Variants in ZNF286A observed in about 807,000 individuals in gnomAD.
ZNF286A encodes the protein zinc finger protein ZNF286.
In ZNF286A, 34 loss-of-function variants were observed where a neutral mutation model predicts 49.3. The observed-to-expected ratio is 0.69, with a 90% CI of 0.52 to 0.92. ZNF286A has a LOEUF of 0.92. ZNF286A is among the 40% of genes least tolerant of loss of function. The pLI is 0.00. For synonymous variants in ZNF286A, 155 were observed against 200.4 expected (o/e 0.77, Z 1.91); for missense variants, 462 against 600.2 (o/e 0.77, Z 2.41).
At chr17:15,699,898 A>G (rs572655111) in intron 1 of ZNF286A, 121 bp downstream of exon 1, 3 of 694,028 alleles carry the variant, frequency 4.3e-6, no homozygotes, top group African/African-American at 1.7e-5. Flanking sequence ...AGGGCAGACC[A>G]TGAGCCCTGT....
chr17:15,720,195 T>C lies in ZNF286A; in HGVS notation c.*2905T>C, dbSNP rs1290336355. The C allele has an allele frequency of 6.6e-6, 1 of 152,204 alleles. No individual in the cohort carries two copies. The highest frequency in any genetic ancestry group is 2.4e-5 in the African/African-American group (1 of 41,530). 9.4% of individuals were successfully genotyped at this position (152,204 alleles called of 1,614,324 possible). A position where few individuals can be genotyped will look rare whatever the true frequency, so the allele number is the denominator to read the frequency against. On this transcript the variant is annotated 3_prime_UTR_variant, in exon 6 of 6. Transcript: ENST00000583566. ...TCATTGGCTTCTCATGAGGTTGTCA[T>C]AAGGATTAAATAAGACAATGCATAT...
At chr17:15,705,955 T>C (rs1449820439) in intron 3 of ZNF286A, among the ~76,000 whole-genome samples, 1 of 152,242 alleles carries the variant, frequency 6.6e-6, no homozygotes, top group African/African-American at 2.4e-5. Context: ...TTACAAGTTC[T>C]GTATTGCAGT....
chr17:15,704,559 C>G, intron 3 of ZNF286A: 1 of 1,614,120 alleles, frequency 6.2e-7, no homozygotes, highest in South Asian at 1.1e-5. Flanking sequence ...ACCTGATGGT[C>G]AGCAGTACGT....
chr17:15,719,003 G>A lies in ZNF286A; in HGVS notation c.*1713G>A, dbSNP rs1967232025. 1 of 124,154 alleles carries A rather than the reference G, an allele frequency of 8.1e-6. No homozygotes were observed. Among genetic ancestry groups the A allele is most frequent in the South Asian group, 3.1e-4 (1 of 3,270 alleles). 7.7% of individuals were successfully genotyped at this position (124,154 alleles called of 1,614,324 possible). On this transcript the variant is annotated 3_prime_UTR_variant, in exon 6 of 6. Transcript: ENST00000583566. ...ACTCTATCACGAGACAGCAGTAGGG[G>A]GACAGTGCTAAATCATTCATGAGAA...
At position 15,720,097 on chromosome 17, in the gene ZNF286A, G is replaced by A. The variant is rs78577959; in HGVS notation, c.*2807G>A. On this transcript the variant is annotated 3_prime_UTR_variant, in exon 6 of 6. Coordinates refer to ENST00000583566, the MANE Select transcript of ZNF286A (RefSeq NM_001130842.2). ...TCTGCCATCCCCACTAAGCAGTCAT[G>A]TGACCTTGGAAAAACTCCCTACTCT... 2 of 152,104 alleles carry A rather than the reference G, an allele frequency of 1.3e-5. No individual in the cohort carries two copies. The highest frequency in any genetic ancestry group is 3.9e-4 in the East Asian group (2 of 5,172). 9.4% of individuals were successfully genotyped at this position (152,104 alleles called of 1,614,324 possible).
In ZNF286A at chr17:15,717,082, T is replaced by C. The variant is rs1967098351; in HGVS notation, c.1358T>C (p.Phe453Ser). The change falls in exon 6 of 6, where the codon TTT (phenylalanine) becomes TCT (serine). Residue 453 changes from phenylalanine to serine, a missense_variant. Physicochemically the swap from Phe to Ser is radical, Grantham distance 155. This residue lies in a region of ZNF286A where 201 missense variants were observed against 311.3 expected (regional missense o/e 0.65). Transcript: ENST00000583566. ...AAAACCTTCAGCCGGAGCTCCAATTTTGCTAAACATCAAAGAATTCATATT... is the reference window on the plus strand; with the variant it reads ...AAAACCTTCAGCCGGAGCTCCAATTCTGCTAAACATCAAAGAATTCATATT... ...CGKTFSRSSN[F>S]AKHQRIHIGK... The C allele has an allele frequency of 6.2e-7, 1 of 1,613,988 alleles. No individual in the cohort carries two copies. Among genetic ancestry groups the C allele is most frequent in the Admixed American group, 1.7e-5 (1 of 60,000 alleles).
Position 15,704,875 on chromosome 17 carries a change from G to C in ZNF286A, c.127-1512G>C, listed in dbSNP as rs1990085747. The C allele has an allele frequency of 9.9e-6, 16 of 1,611,802 alleles. No individual in the cohort carries two copies. In the South Asian group the frequency reaches 1.8e-4, roughly 18 times the overall value. On this transcript the variant is annotated intron_variant, in intron 3 of 5. Transcript: ENST00000583566. ...GTACACCAGGCGGATGATGTGCGGG[G>C]GCAGTTTCTCCACGTTGGAGTTCAT...
chr17:15,707,924 G>A (rs772311527), intron 4 of ZNF286A, among the ~76,000 whole-genome samples: 1 of 152,134 alleles, frequency 6.6e-6, no homozygotes, highest in Non-Finnish European at 1.5e-5. Flanking sequence ...GCAGAGGTGG[G>A]AGGATAGCTT....
Position 15,718,853 on chromosome 17 carries a change from G to A in ZNF286A, c.*1563G>A, listed in dbSNP as rs1441195051. 1 of 142,532 alleles carries A rather than the reference G, an allele frequency of 7.0e-6. No individual in the cohort carries two copies. The highest frequency in any genetic ancestry group is 1.5e-5 in the Non-Finnish European group (1 of 66,308). 8.8% of individuals were successfully genotyped at this position (142,532 alleles called of 1,614,324 possible). On this transcript the variant is annotated 3_prime_UTR_variant, in exon 6 of 6. Transcript: ENST00000583566. ...CTGTACAGGAAGTATGACTGGGGAG[G>A]TCTCAGGGAGCTTTTACTCATGGCA...
chr17:15,699,754 C>G lies in ZNF286A; in HGVS notation c.-219C>G, dbSNP rs1026820909. The G allele has an allele frequency of 1.1e-5, 8 of 702,776 alleles. No individual in the cohort carries two copies. In the African/African-American group the frequency reaches 1.2e-4, roughly 11 times the overall value. The allele number at this position is 702,776 out of a possible 1,614,324, so 43.5% of individuals were successfully genotyped here. Reference sequence around the variant, plus strand: ...CCGAGCTGGCCAAAGAAGTTCGTCCCCTTTGTGAGGCCCGGGATGGGAGGT... The same window carrying G: ...CCGAGCTGGCCAAAGAAGTTCGTCCGCTTTGTGAGGCCCGGGATGGGAGGT... On this transcript the variant is annotated 5_prime_UTR_variant, in exon 1 of 6. Coordinates refer to ENST00000583566, the MANE Select transcript of ZNF286A (RefSeq NM_001130842.2).
At chr17:15,704,462 G>C in intron 3 of ZNF286A, 1 of 1,612,438 alleles carries the variant, frequency 6.2e-7, no homozygotes, top group South Asian at 1.1e-5. Flanking sequence ...AGACGGGCCC[G>C]AGCCGCATAC....
At chr17:15,714,268 C>T (rs993133833) in intron 5 of ZNF286A, among the ~76,000 whole-genome samples, 6 of 150,062 alleles carry the variant, frequency 4.0e-5, no homozygotes, top group Non-Finnish European at 5.9e-5. Context: ...TTGATTTGTG[C>T]GAAGTTGTAA....
chr17:15,704,154 T>G (rs1241801416), intron 3 of ZNF286A: 1 of 1,089,394 alleles, frequency 9.2e-7, no homozygotes, highest in Non-Finnish European at 1.3e-6. Context: ...CCAGCCATAA[T>G]TTAAATAACT....
intron 3 of ZNF286A, chr17:15,704,383 C>A: frequency 6.2e-7 from 1 of 1,609,024 alleles, no homozygotes; most frequent in South Asian, 1.1e-5. Context: ...TGCAGTGCCA[C>A]TGGCCAGGGC....
chr17:15,717,192 G>T lies in ZNF286A; in HGVS notation c.1468G>T (p.Gly490Ter). The T allele has an allele frequency of 6.2e-7, 1 of 1,607,320 alleles. No homozygotes were observed. The highest frequency in any genetic ancestry group is 8.5e-7 in the Non-Finnish European group (1 of 1,176,714). Residue 490 changes from glycine to a stop codon, truncating the protein, a stop_gained, in exon 6 of 6, where the codon GGA becomes TGA. Coordinates refer to ENST00000583566, the MANE Select transcript of ZNF286A (RefSeq NM_001130842.2). LOFTEE classifies it high-confidence loss of function. ...CATTCAACATCAGAGAACTCATACC[G>T]GAGAGAAACCCTTTAGATGTAATGA... is the stretch of plus-strand genomic sequence containing the variant. ...ALIQHQRTHT[G>*]EKPFRCNECG...
rs1280044599 is a variant in ZNF286A at position 15,720,677 on chromosome 17, C to T, written c.*3387C>T. On this transcript the variant is annotated 3_prime_UTR_variant, in exon 6 of 6. Transcript: ENST00000583566. ...CACATGTTTGTACTGCAACATGAAT[C>T]TTGGAAATTTTAATGTTATGCATTT... 1.3e-5 allele frequency: 2 copies of T among 148,986 alleles called. No individual in the cohort carries two copies. The highest frequency in any genetic ancestry group is 5.0e-5 in the African/African-American group (2 of 40,088). The allele number at this position is 148,986 out of a possible 1,614,324, so 9.2% of individuals were successfully genotyped here.
rs201176177 is a variant in ZNF286A, at chr17:15,700,784, C to T, written c.38-368C>T. The T allele has an allele frequency of 8.1e-3, 3,123 of 385,822 alleles. 117 individuals are homozygous for T. The East Asian group carries it at 0.12, about 14-fold the overall frequency. The allele number at this position is 385,822 out of a possible 1,614,324, so 23.9% of individuals were successfully genotyped here. ...GGTTGTTAGATTTCTGGATTGTACC[C>T]CAGGCTCAACTAATGCTTATTACTT... On this transcript the variant is annotated intron_variant, in intron 2 of 5. Transcript: ENST00000583566.
At chr17:15,701,545 T>C (rs759617597) in intron 3 of ZNF286A, 37 of 238,142 alleles carry the variant, frequency 1.6e-4, no homozygotes, top group Non-Finnish European at 1.2e-4. Context: ...TTAAATATAA[T>C]GTGGTACATA....
intron 5 of ZNF286A, among the ~76,000 whole-genome samples, chr17:15,711,932 T>C (rs1351139244): frequency 6.1e-4 from 79 of 130,456 alleles, no homozygotes; most frequent in Non-Finnish European, 1.1e-3. Context: ...AGTGCAGTGG[T>C]GCGATCTTGG....
Sources: allele counts gnomAD v4.1 joint callset (sites outside exome capture counted in the v4.1 genomes callset), GRCh38; gene constraint gnomAD v4.1.1; regional missense constraint gnomAD v4.1.1; transcripts MANE v1.5; gene names NCBI Gene and HGNC (gene_info 2026-07-23, HGNC 2026-07-21).